FER: variants seen among roughly 807,000 people sequenced by gnomAD.
FER encodes FER tyrosine kinase, also known as tyrosine-protein kinase Fer.
In FER, 63 loss-of-function variants were observed where a neutral mutation model predicts 111.0. The observed-to-expected ratio is 0.57, with a 90% confidence interval of 0.46 to 0.70. The LOEUF is 0.70. Ranked by LOEUF, FER falls within the 30% of genes least tolerant of loss-of-function variation. FER has a pLI of 0.00. For missense variants in FER, 914 were observed against 954.0 expected (o/e 0.96, Z 0.55); for synonymous variants, 327 against 313.9 (o/e 1.04, Z -0.44).
At chr5:108,795,996 G>A (rs940935704) in intron 2 of FER, among the ~76,000 whole-genome samples, 8 of 152,106 alleles carry the variant, frequency 5.3e-5, no homozygotes, top group African/African-American at 1.7e-4. Flanking sequence ...CTTCACTTCT[G>A]TGCTTTGTTT....
At chr5:108,822,613 C>T (rs1469013419) in intron 3 of FER, among the ~76,000 whole-genome samples, 1 of 152,108 alleles carries the variant, frequency 6.6e-6, no homozygotes, top group African/African-American at 2.4e-5. Context: ...GAGAATGGCA[C>T]CAAGCCACCC....
chr5:108,796,021 T>A (rs768362168), intron 2 of FER, among the ~76,000 whole-genome samples: 8 of 152,226 alleles, frequency 5.3e-5, no homozygotes, highest in Non-Finnish European at 1.0e-4. Flanking sequence ...CTGTCATCCT[T>A]GGGAAGGCTT....
At chr5:109,064,029 AAAC>A (rs951275345) in intron 16 of FER, among the ~76,000 whole-genome samples, 3 of 152,222 alleles carry the variant, frequency 2.0e-5, no homozygotes, top group African/African-American at 7.2e-5. Context: ...TGTATTTTCA[AAAC>A]AACATTTAGA....
At chr5:108,993,575 G>A (rs1443044128) in intron 13 of FER, among the ~76,000 whole-genome samples, 2 of 139,264 alleles carry the variant, frequency 1.4e-5, no homozygotes, top group Admixed American at 7.1e-5. Flanking sequence ...ACCGTGGGGA[G>A]AGGGAGAGGG....
chr5:109,032,109 G>A (rs765609782), intron 13 of FER, among the ~76,000 whole-genome samples: 27 of 152,162 alleles, frequency 1.8e-4, no homozygotes, highest in African/African-American at 4.3e-4. Flanking sequence ...CTCTACCAGC[G>A]TAGTTAATAC....
At chr5:108,901,581 T>C (rs1483145238) in intron 10 of FER, among the ~76,000 whole-genome samples, 1 of 152,150 alleles carries the variant, frequency 6.6e-6, no homozygotes, top group Admixed American at 6.5e-5. Flanking sequence ...TAAGGGAATA[T>C]AATAAATAAT....
rs1770573627 is a variant in FER, at chr5:109,037,556, A to G, written c.1713+78A>G. 1.6e-5 allele frequency: 19 copies of G among 1,201,482 alleles called. No individual in the cohort carries two copies. In the South Asian group the frequency reaches 2.1e-4, roughly 13 times the overall value. 74.4% of individuals were successfully genotyped at this position (1,201,482 alleles called of 1,614,324 possible). A position where few individuals can be genotyped will look rare whatever the true frequency, so the allele number is the denominator to read the frequency against. On this transcript the variant is annotated intron_variant, in intron 14 of 19. Coordinates refer to ENST00000281092, the MANE Select transcript of FER (RefSeq NM_005246.4). ...ACTGCAGATTTTTTCATTTTCCTCA[A>G]AGCTTTTCTTATATTGCCACAAGGC...
intron 10 of FER, among the ~76,000 whole-genome samples, chr5:108,902,287 G>A (rs1370627049): frequency 6.6e-6 from 1 of 152,160 alleles, no homozygotes; most frequent in Admixed American, 6.5e-5. Context: ...TTTATGGAAG[G>A]TTTTCCTAGC....
chr5:109,079,322 G>A (rs986077599), intron 16 of FER, among the ~76,000 whole-genome samples: 3 of 152,042 alleles, frequency 2.0e-5, no homozygotes, highest in South Asian at 2.1e-4. Context: ...CACAAGGGAC[G>A]ATGTTTATTG....
At chr5:108,800,024 G>A (rs1433151819) in intron 3 of FER, among the ~76,000 whole-genome samples, 3 of 151,738 alleles carry the variant, frequency 2.0e-5, no homozygotes, top group African/African-American at 7.3e-5. Flanking sequence ...TGTATTTTTA[G>A]TGCAGATGGG....
intron 13 of FER, among the ~76,000 whole-genome samples, chr5:108,978,275 C>T (rs1761627104): frequency 6.6e-6 from 1 of 152,164 alleles, no homozygotes; most frequent in Non-Finnish European, 1.5e-5. Context: ...CAGGTTGATA[C>T]ATTCTAACAT....
At chr5:109,120,950 C>A (rs1750885697) in intron 17 of FER, among the ~76,000 whole-genome samples, 1 of 151,836 alleles carries the variant, frequency 6.6e-6, no homozygotes, top group Admixed American at 6.6e-5. Context: ...ATTTTGTATC[C>A]CATAACTTTA....
At chr5:108,834,543 C>A (rs192126769) in intron 4 of FER, among the ~76,000 whole-genome samples, 58 of 151,848 alleles carry the variant, frequency 3.8e-4, no homozygotes, top group Non-Finnish European at 7.2e-4. Flanking sequence ...ACTAAAAATA[C>A]AAAAATTAGC....
intron 1 of FER, among the ~76,000 whole-genome samples, chr5:108,762,495 G>C (rs1751872294): frequency 6.6e-6 from 1 of 152,118 alleles, no homozygotes; most frequent in African/African-American, 2.4e-5. Flanking sequence ...TAAATAAATA[G>C]CCTGTGTTAT....
At chr5:108,992,849 A>G (rs553679782) in intron 13 of FER, among the ~76,000 whole-genome samples, 45 of 141,040 alleles carry the variant, frequency 3.2e-4, no homozygotes, top group African/African-American at 1.1e-3. Context: ...GACACTCCTC[A>G]CCTCCCAGAC....
At chr5:108,753,731 T>G (rs538411359) in intron 1 of FER, among the ~76,000 whole-genome samples, 1 of 152,356 alleles carries the variant, frequency 6.6e-6, no homozygotes, top group South Asian at 2.1e-4. Context: ...ATTTTACAGA[T>G]ATCCCTGTTT....
chr5:108,924,816 A>G (rs1389459882), intron 10 of FER: 4 of 1,230,538 alleles, frequency 3.3e-6, no homozygotes, highest in South Asian at 4.1e-5. Context: ...CCACAGGCCT[A>G]CTTTACCCAG....
intron 10 of FER, among the ~76,000 whole-genome samples, chr5:108,927,321 C>A (rs1401184264): frequency 7.6e-6 from 1 of 132,382 alleles, no homozygotes; most frequent in Non-Finnish European, 1.5e-5. Context: ...ACTGCAGTGG[C>A]GCAATCTTGG....
At chr5:108,796,656 C>T (rs10077917) in intron 2 of FER, among the ~76,000 whole-genome samples, 29,288 of 151,964 alleles carry the variant, frequency 0.19, 3,062 homozygotes, top group African/African-American at 0.27. Flanking sequence ...CCACCACCAC[C>T]GTAGGCCCAC....
Sources: gnomAD v4.1 joint callset for allele counts (sites outside exome capture counted in the v4.1 genomes callset) on GRCh38, gnomAD v4.1.1 for gene constraint, MANE v1.5 for transcripts, NCBI Gene and HGNC (gene_info 2026-07-23, HGNC 2026-07-21) for gene names.